The following DNER variants were observed in gnomAD, a reference collection of about 807,000 sequenced individuals.
The protein encoded by DNER is delta and Notch-like epidermal growth factor-related receptor.
DNER carries 33 observed loss-of-function variants against 78.2 expected under a neutral mutation model. The observed-to-expected ratio is 0.42, with a 90% CI of 0.32 to 0.56. The LOEUF is 0.56. Among genes scored for constraint, DNER ranks in the 20% least tolerant of loss-of-function variants. The pLI is 0.11. For missense variants in DNER, 918 were observed against 975.3 expected (o/e 0.94, Z 0.78); for synonymous variants, 417 against 384.8 (o/e 1.08, Z -0.98).
At chr2:229,542,480 T>A (rs1696534965) in intron 5 of DNER, among the ~76,000 whole-genome samples, 1 of 152,040 alleles carries the variant, frequency 6.6e-6, no homozygotes, top group African/African-American at 2.4e-5. Flanking sequence ...CATTACCAAA[T>A]GAAAGCGGGG....
rs1275125069 is a variant in DNER at position 229,440,769 on chromosome 2, G to A, written c.1486+6547C>T. 2.6e-5 allele frequency among the ~76,000 whole-genome samples: 4 copies of A among 152,178 alleles called. No individual in the cohort carries two copies. In the East Asian group the frequency reaches 5.8e-4, roughly 22 times the overall value. ...TCCCATTTCCTCTGAATCACCCAGA[G>A]GGGTCCTTTGACTCCATTCACACCC... On this transcript the variant is annotated intron_variant, in intron 8 of 12. Transcript: ENST00000341772.
At chr2:229,421,628 AATATATAT>A (rs55973585) in intron 8 of DNER, among the ~76,000 whole-genome samples, 2 of 133,238 alleles carry the variant, frequency 1.5e-5, no homozygotes, top group African/African-American at 5.3e-5. Flanking sequence ...TACAACATGA[AATATATAT>A]ATATATATAG....
At chr2:229,484,212 C>T (rs1474853618) in intron 6 of DNER, among the ~76,000 whole-genome samples, 2 of 152,152 alleles carry the variant, frequency 1.3e-5, no homozygotes, top group African/African-American at 4.8e-5. Context: ...TCGAGAACGG[C>T]CTGGGTAAAA....
chr2:229,570,656 T>C (rs1161875898), intron 4 of DNER, among the ~76,000 whole-genome samples: 1 of 150,008 alleles, frequency 6.7e-6, no homozygotes, highest in Non-Finnish European at 1.5e-5. Context: ...TGATACATTC[T>C]ATGGGGGAAA....
intron 1 of DNER, among the ~76,000 whole-genome samples, chr2:229,647,007 A>G (rs1698730550): frequency 6.6e-6 from 1 of 152,190 alleles, no homozygotes; most frequent in South Asian, 2.1e-4. Flanking sequence ...TCTCTACTAA[A>G]AATGCAAAAC....
At chr2:229,468,184 A>T (rs1694844625) in intron 7 of DNER, among the ~76,000 whole-genome samples, 1 of 152,238 alleles carries the variant, frequency 6.6e-6, no homozygotes, top group African/African-American at 2.4e-5. Context: ...GGGCCAAGCT[A>T]TAGGAAGGAA....
At chr2:229,549,102 T>A (rs1696681389) in intron 4 of DNER, among the ~76,000 whole-genome samples, 1 of 152,228 alleles carries the variant, frequency 6.6e-6, no homozygotes, top group African/African-American at 2.4e-5. Flanking sequence ...GTTACGCATA[T>A]GTATACATAC....
chr2:229,427,640 G>A (rs1386639815), intron 8 of DNER, among the ~76,000 whole-genome samples: 1 of 152,166 alleles, frequency 6.6e-6, no homozygotes, highest in Non-Finnish European at 1.5e-5. Flanking sequence ...TGAGCTAAGA[G>A]GGAGGGGTGT....
intron 5 of DNER, among the ~76,000 whole-genome samples, chr2:229,529,297 G>GT: frequency 6.6e-6 from 1 of 152,206 alleles, no homozygotes; most frequent in East Asian, 1.9e-4. Context: ...CAAGCTTGAT[G>GT]ATAAGTGAGC....
Position 229,683,207 on chromosome 2 carries a change from C to T in DNER, c.276+30941G>A, listed in dbSNP as rs144003259. On this transcript the variant is annotated intron_variant, in intron 1 of 12. Transcript: ENST00000341772. ...TTATGTAAGTCTCATGCCCCTACCC[C>T]CCTCTTAGATATATATTGTTACCCC... Among the ~76,000 whole-genome samples the T allele has an allele frequency of 3.6e-3, 554 of 152,254 alleles. 6 individuals are homozygous for T. The highest frequency in any genetic ancestry group is 0.013 in the African/African-American group (533 of 41,546).
At chr2:229,395,265 G>A (rs1455008313) in intron 10 of DNER, among the ~76,000 whole-genome samples, 1 of 152,164 alleles carries the variant, frequency 6.6e-6, no homozygotes. Context: ...TTACTACAAG[G>A]GGATACTCAT....
intron 10 of DNER, among the ~76,000 whole-genome samples, chr2:229,394,931 C>T (rs1693100504): frequency 6.6e-6 from 1 of 152,194 alleles, no homozygotes; most frequent in Non-Finnish European, 1.5e-5. Flanking sequence ...TCCCTCCTTC[C>T]TCTTGCCACC....
chr2:229,402,003 T>A (rs1693279162), intron 10 of DNER, among the ~76,000 whole-genome samples: 1 of 152,082 alleles, frequency 6.6e-6, no homozygotes, highest in Non-Finnish European at 1.5e-5. Context: ...TAAACAAAAA[T>A]TAACTCAAAA....
intron 1 of DNER, among the ~76,000 whole-genome samples, chr2:229,611,536 G>C (rs950720414): frequency 3.9e-5 from 6 of 152,196 alleles, no homozygotes; most frequent in Non-Finnish European, 8.8e-5. Flanking sequence ...GAACCAAATA[G>C]CTGGAATTCC....
chr2:229,582,661 T>C (rs10168112), intron 4 of DNER, among the ~76,000 whole-genome samples: 4 of 152,042 alleles, frequency 2.6e-5, no homozygotes, highest in African/African-American at 9.7e-5. Flanking sequence ...CTTTTTTGAG[T>C]TGGAGTCTCA....
chr2:229,469,803 C>A (rs1042220242), intron 7 of DNER, among the ~76,000 whole-genome samples: 1 of 152,074 alleles, frequency 6.6e-6, no homozygotes, highest in Non-Finnish European at 1.5e-5. Flanking sequence ...AATAGCTGGG[C>A]ATGGTGGTGG....
At chr2:229,568,666 G>A (rs560686876) in intron 4 of DNER, among the ~76,000 whole-genome samples, 6 of 151,690 alleles carry the variant, frequency 4.0e-5, no homozygotes, top group South Asian at 2.1e-4. Flanking sequence ...TTTCTTTTAC[G>A]CATCCCTACT....
chr2:229,613,638 A>T (rs1361939461), intron 1 of DNER, among the ~76,000 whole-genome samples: 1 of 152,148 alleles, frequency 6.6e-6, no homozygotes, highest in Non-Finnish European at 1.5e-5. Context: ...TTTCCAAAAA[A>T]AAAGAAAATT....
intron 6 of DNER, among the ~76,000 whole-genome samples, chr2:229,507,187 A>G (rs1185494672): frequency 6.6e-6 from 1 of 152,204 alleles, no homozygotes; most frequent in Non-Finnish European, 1.5e-5. Context: ...ATGTCTAAAT[A>G]TATCTAAACA....
Sources: gnomAD v4.1 joint callset for allele counts (sites outside exome capture counted in the v4.1 genomes callset) on GRCh38, gnomAD v4.1.1 for gene constraint, MANE v1.5 for transcripts, NCBI Gene and HGNC (gene_info 2026-07-23, HGNC 2026-07-21) for gene names.